Variants in BCAT1 observed in about 807,000 individuals in gnomAD.
The protein encoded by BCAT1 is branched-chain-amino-acid aminotransferase, cytosolic.
Under a neutral mutation model 52.4 loss-of-function variants are expected in BCAT1, and 48 were observed. The ratio of observed to expected loss-of-function variants is 0.92; its 90% confidence interval spans 0.73 to 1.16. The LOEUF is 1.16. Ranked by LOEUF, BCAT1 falls within the 50% of genes most tolerant of loss-of-function variation. The pLI, the probability that BCAT1 is intolerant of heterozygous loss-of-function variation, is 0.00. For missense variants in BCAT1, 451 were observed against 457.1 expected (o/e 0.99, Z 0.12); for synonymous variants, 167 against 161.3 (o/e 1.04, Z -0.27).
At chr12:24,833,686 A>G (rs556797256) in intron 8 of BCAT1, 1 of 152,342 alleles carries the variant, frequency 6.6e-6, no homozygotes, top group South Asian at 2.1e-4. Flanking sequence ...CATTTTACAG[A>G]TGAGGAAACT....
At chr12:24,931,377 A>T (rs962865994) in intron 1 of BCAT1, among the ~76,000 whole-genome samples, 1 of 152,220 alleles carries the variant, frequency 6.6e-6, no homozygotes, top group African/African-American at 2.4e-5. Context: ...TCTAATGTCA[A>T]ACAAATAGAA....
intron 5 of BCAT1, among the ~76,000 whole-genome samples, chr12:24,867,436 T>C (rs73079571): frequency 0.015 from 2,224 of 152,078 alleles, 20 homozygotes; most frequent in Non-Finnish European, 0.024. Flanking sequence ...AAAGCTGTCA[T>C]TGCCAAACGT....
intron 1 of BCAT1, among the ~76,000 whole-genome samples, chr12:24,911,064 A>G (rs112770039): frequency 3.3e-5 from 5 of 151,954 alleles, no homozygotes; most frequent in Non-Finnish European, 5.9e-5. Context: ...AGATCGCACT[A>G]CTGACTCCAG....
At chr12:24,870,683 T>G (rs1182287375) in intron 5 of BCAT1, among the ~76,000 whole-genome samples, 2 of 152,184 alleles carry the variant, frequency 1.3e-5, no homozygotes, top group African/African-American at 2.4e-5. Context: ...ATTTCACCGC[T>G]TTGGACCTTA....
intron 1 of BCAT1, among the ~76,000 whole-genome samples, chr12:24,927,664 T>C (rs1943612335): frequency 6.6e-6 from 1 of 152,214 alleles, no homozygotes; most frequent in Non-Finnish European, 1.5e-5. Context: ...TGAAACTGTA[T>C]TGCACAAAGA....
intron 4 of BCAT1, among the ~76,000 whole-genome samples, chr12:24,879,990 G>A (rs895701961): frequency 6.6e-6 from 1 of 152,186 alleles, no homozygotes; most frequent in Non-Finnish European, 1.5e-5. Context: ...ATGAGAAGAA[G>A]AGCGAAACTA....
At chr12:24,899,796 A>G (rs1258625417) in intron 2 of BCAT1, among the ~76,000 whole-genome samples, 1 of 151,428 alleles carries the variant, frequency 6.6e-6, no homozygotes, top group Admixed American at 6.6e-5. Flanking sequence ...AAAAACCCAG[A>G]AAAACAAATA....
At chr12:24,919,520 T>A (rs994880138) in intron 1 of BCAT1, among the ~76,000 whole-genome samples, 1 of 152,140 alleles carries the variant, frequency 6.6e-6, no homozygotes, top group Non-Finnish European at 1.5e-5. Context: ...CTCGGCCTCC[T>A]CCCCTGTAGG....
At chr12:24,866,926 A>G (rs1395890823) in intron 5 of BCAT1, among the ~76,000 whole-genome samples, 1 of 152,152 alleles carries the variant, frequency 6.6e-6, no homozygotes, top group East Asian at 1.9e-4. Context: ...ATACTGTGGA[A>G]GCTTTGTTCT....
intron 10 of BCAT1, among the ~76,000 whole-genome samples, chr12:24,826,771 T>C (rs1307542909): frequency 2.0e-5 from 3 of 152,230 alleles, no homozygotes; most frequent in African/African-American, 7.2e-5. Context: ...TCCATGAATA[T>C]GGAATATCTT....
At chr12:24,942,818 T>C (rs1943868896) in intron 1 of BCAT1, among the ~76,000 whole-genome samples, 1 of 152,230 alleles carries the variant, frequency 6.6e-6, no homozygotes, top group Non-Finnish European at 1.5e-5. Context: ...TTAGGGTGCA[T>C]ATGGTATGAA....
At chr12:24,887,078 A>AAAAAAAAAAAAAT (rs1942692965) in intron 3 of BCAT1, among the ~76,000 whole-genome samples, 1 of 79,238 alleles carries the variant, frequency 1.3e-5, no homozygotes, top group African/African-American at 4.8e-5. Context: ...AAAAAAAAAA[A>AAAAAAAAAAAAAT]AAATATATAT....
intron 7 of BCAT1, among the ~76,000 whole-genome samples, chr12:24,836,991 G>A (rs71450459): frequency 0.29 from 28,246 of 96,992 alleles, 5,836 homozygotes; most frequent in Non-Finnish European, 0.38. Flanking sequence ...GGGAGGGAGG[G>A]AGGAAGGAAC....
chr12:24,872,345 CCTTT>C (rs1297929419), intron 5 of BCAT1, among the ~76,000 whole-genome samples: 1 of 152,188 alleles, frequency 6.6e-6, no homozygotes, highest in African/African-American at 2.4e-5. Flanking sequence ...TCATCTCCAG[CCTTT>C]CTTCTGCCCA....
At chr12:24,840,006 T>C (rs1231466497) in intron 7 of BCAT1, among the ~76,000 whole-genome samples, 3 of 152,074 alleles carry the variant, frequency 2.0e-5, no homozygotes, top group Non-Finnish European at 2.9e-5. Flanking sequence ...AGTGAAGGAG[T>C]ATATTAAAAC....
chr12:24,863,537 A>G (rs1941913111), intron 5 of BCAT1, among the ~76,000 whole-genome samples: 2 of 152,250 alleles, frequency 1.3e-5, no homozygotes, highest in South Asian at 4.1e-4. Context: ...ATTTGGAATC[A>G]ATCCTAAATA....
rs547968590 is a variant in BCAT1, at chr12:24,816,480, T to C, written c.*1528A>G. ...TCCTAAACAAGGAAAATATCACCCA[T>C]AGTAGCTCTCCCTGCATCCTAACCA... On this transcript the variant is annotated 3_prime_UTR_variant, in exon 11 of 11. Coordinates refer to ENST00000261192, the MANE Select transcript of BCAT1 (RefSeq NM_005504.7). 2 of 397,252 alleles carry C rather than the reference T, an allele frequency of 5.0e-6. No individual in the cohort carries two copies. Among genetic ancestry groups the C allele is most frequent in the Admixed American group, 4.4e-5 (1 of 22,556 alleles). The allele number at this position is 397,252 out of a possible 1,614,324, so 24.6% of individuals were successfully genotyped here.
At chr12:24,934,394 T>G (rs550797471) in intron 1 of BCAT1, among the ~76,000 whole-genome samples, 1 of 152,322 alleles carries the variant, frequency 6.6e-6, no homozygotes, top group East Asian at 1.9e-4. Context: ...AGGTAGTTCT[T>G]TATAGCAGTG....
At position 24,894,296 on chromosome 12, in the gene BCAT1, T is replaced by A; in HGVS notation, c.258A>T (p.Ser86=). The change falls in exon 3 of 11, where the codon TCA becomes TCT. Residue 86 remains serine, a synonymous_variant. Coordinates refer to ENST00000261192, the MANE Select transcript of BCAT1 (RefSeq NM_005504.7). ...TTACTTCCACTGCATAGTGCAAAGCTGATGAGCCAGGGTGCAATGACAGGT... is the reference window on the plus strand; with the variant it reads ...TTACTTCCACTGCATAGTGCAAAGCAGATGAGCCAGGGTGCAATGACAGGT... ...LQNLSLHPGS[S]ALHYAVELFE... 1 of 1,613,980 alleles carries A rather than the reference T, an allele frequency of 6.2e-7. No individual in the cohort carries two copies. Among genetic ancestry groups the A allele is most frequent in the South Asian group, 1.1e-5 (1 of 91,074 alleles).
Sources: gnomAD v4.1 joint callset for allele counts (sites outside exome capture counted in the v4.1 genomes callset) on GRCh38, gnomAD v4.1.1 for gene constraint, MANE v1.5 for transcripts, NCBI Gene and HGNC (gene_info 2026-07-23, HGNC 2026-07-21) for gene names.